CENPP: variants seen among roughly 807,000 people sequenced by gnomAD.
The protein encoded by CENPP is centromere protein P.
In CENPP, 24 loss-of-function variants were observed where a neutral mutation model predicts 35.6. That is an observed-to-expected ratio of 0.67 (90% CI 0.49 to 0.95). CENPP has a LOEUF of 0.95. Ranked by LOEUF, CENPP falls within the 40% of genes least tolerant of loss-of-function variation. The pLI is 0.00. For missense variants in CENPP, 332 were observed against 345.3 expected (o/e 0.96, Z 0.31); for synonymous variants, 120 against 125.5 (o/e 0.96, Z 0.29).
At chr9:92,404,584 A>G (rs750617350) in intron 5 of CENPP, 1 of 1,292,896 alleles carries the variant, frequency 7.7e-7, no homozygotes, top group Non-Finnish European at 1.0e-6. Context: ...TGAATGAGAA[A>G]AGCTATGTCT....
At chr9:92,611,024 G>T (rs1421737053) in intron 5 of CENPP, 3 of 480,862 alleles carry the variant, frequency 6.2e-6, no homozygotes, top group African/African-American at 6.0e-5. Context: ...ATCCCAGATG[G>T]AAAGGGTGTG....
intron 5 of CENPP, among the ~76,000 whole-genome samples, chr9:92,398,583 A>G (rs1244442660): frequency 6.6e-6 from 1 of 151,718 alleles, no homozygotes; most frequent in African/African-American, 2.4e-5. Flanking sequence ...AAATCACTCC[A>G]TGTTAGTTCT....
chr9:92,429,341 C>A (rs961450417), intron 5 of CENPP, among the ~76,000 whole-genome samples: 1 of 152,124 alleles, frequency 6.6e-6, no homozygotes, highest in Non-Finnish European at 1.5e-5. Context: ...ATATGTGAAA[C>A]AAACTTTTAT....
intron 5 of CENPP, chr9:92,389,912 A>G: frequency 6.2e-7 from 1 of 1,613,378 alleles, no homozygotes; most frequent in South Asian, 1.1e-5. Flanking sequence ...TGCATTAAAT[A>G]AAGTGAGCTT....
intron 5 of CENPP, among the ~76,000 whole-genome samples, chr9:92,412,809 T>C (rs1052001004): frequency 1.3e-5 from 2 of 152,148 alleles, no homozygotes; most frequent in African/African-American, 4.8e-5. Context: ...TTCCATGAAA[T>C]GGATATACCA....
At chr9:92,544,713 T>A (rs1234237349) in intron 5 of CENPP, among the ~76,000 whole-genome samples, 1 of 23,896 alleles carries the variant, frequency 4.2e-5, no homozygotes, top group African/African-American at 8.1e-4. Flanking sequence ...TCACTATAAA[T>A]TTTTTTTTTT....
At chr9:92,577,804 T>G (rs1368194272) in intron 5 of CENPP, among the ~76,000 whole-genome samples, 1 of 151,698 alleles carries the variant, frequency 6.6e-6, no homozygotes, top group East Asian at 1.9e-4. Context: ...ATTTATTTAT[T>G]TATTATTATT....
chr9:92,455,743 T>G (rs1844855585), intron 5 of CENPP, among the ~76,000 whole-genome samples: 1 of 152,252 alleles, frequency 6.6e-6, no homozygotes, highest in African/African-American at 2.4e-5. Flanking sequence ...ATTGTTATTA[T>G]TATATGTATT....
intron 5 of CENPP, among the ~76,000 whole-genome samples, chr9:92,490,653 T>C (rs1368272104): frequency 6.6e-6 from 1 of 152,202 alleles, no homozygotes; most frequent in African/African-American, 2.4e-5. Context: ...CTTAGGAACA[T>C]AGTAATTTAT....
chr9:92,360,939 C>G (rs1196891412), intron 4 of CENPP, among the ~76,000 whole-genome samples: 1 of 151,758 alleles, frequency 6.6e-6, no homozygotes, highest in Non-Finnish European at 1.5e-5. Context: ...GATCTCCTGA[C>G]CTCGTGATCC....
chr9:92,508,203 G>A (rs754218750), intron 5 of CENPP, among the ~76,000 whole-genome samples: 12 of 152,340 alleles, frequency 7.9e-5, no homozygotes, highest in Admixed American at 2.6e-4. Context: ...CACCCGAGGG[G>A]CCAGTACTGC....
At chr9:92,395,069 C>G (rs147957374) in intron 5 of CENPP, among the ~76,000 whole-genome samples, 1 of 151,956 alleles carries the variant, frequency 6.6e-6, no homozygotes, top group Non-Finnish European at 1.5e-5. Context: ...CAATTAATTG[C>G]GTGTATTTAA....
intron 5 of CENPP, among the ~76,000 whole-genome samples, chr9:92,578,278 A>C (rs1850333683): frequency 6.6e-6 from 1 of 152,084 alleles, no homozygotes; most frequent in Non-Finnish European, 1.5e-5. Context: ...ATGTGTCTTT[A>C]TAGCAGCATG....
intron 5 of CENPP, chr9:92,385,325 A>G (rs1438366253): frequency 4.0e-6 from 1 of 250,732 alleles, no homozygotes; most frequent in East Asian, 9.7e-5. Context: ...GGAATAATGC[A>G]TCTCAAATTT....
At position 92,500,776 on chromosome 9, in the gene CENPP, G is replaced by T. The variant is rs140976209; in HGVS notation, c.565-110538G>T. The T allele has an allele frequency of 2.1e-4, 345 of 1,613,904 alleles. No homozygotes were observed. Among genetic ancestry groups the T allele is most frequent in the Non-Finnish European group, 2.7e-4 (323 of 1,179,954 alleles). ...AGAAAATGTAGTGCTTTCATTTCTT[G>T]TATCCCAGGTGGTATAGATTTTAAG... On this transcript the variant is annotated intron_variant, in intron 5 of 7. Transcript: ENST00000375587.
At chr9:92,550,409 G>C (rs1244922921) in intron 5 of CENPP, among the ~76,000 whole-genome samples, 1 of 148,104 alleles carries the variant, frequency 6.8e-6, no homozygotes, top group African/African-American at 2.6e-5. Context: ...AAAAAAAATG[G>C]TGTCATTGGA....
intron 4 of CENPP, among the ~76,000 whole-genome samples, chr9:92,367,680 C>T (rs921185854): frequency 2.6e-5 from 4 of 151,944 alleles, no homozygotes; most frequent in East Asian, 1.9e-4. Context: ...TGCAATGGTG[C>T]GATCTCGGCT....
chr9:92,329,955 A>G (rs962547852), intron 1 of CENPP, among the ~76,000 whole-genome samples: 9 of 152,222 alleles, frequency 5.9e-5, no homozygotes, highest in African/African-American at 2.2e-4. Context: ...ACTTATATTA[A>G]CATTTTAAAT....
intron 5 of CENPP, among the ~76,000 whole-genome samples, chr9:92,416,410 C>T (rs1280251701): frequency 1.3e-5 from 2 of 152,000 alleles, no homozygotes; most frequent in Non-Finnish European, 2.9e-5. Context: ...CAGCCTATTT[C>T]TCAATATTTA....
Sources: allele counts gnomAD v4.1 joint callset (sites outside exome capture counted in the v4.1 genomes callset), GRCh38; gene constraint gnomAD v4.1.1; transcripts MANE v1.5; gene names NCBI Gene and HGNC (gene_info 2026-07-23, HGNC 2026-07-21).